UIMC1: variants seen among roughly 807,000 people sequenced by gnomAD.
UIMC1 encodes the protein ubiquitin interaction motif containing 1.
In UIMC1, 42 loss-of-function variants were observed where a neutral mutation model predicts 84.9. The ratio of observed to expected loss-of-function variants is 0.49; its 90% confidence interval spans 0.39 to 0.64. UIMC1 has a LOEUF of 0.64. Among genes scored for constraint, UIMC1 ranks in the 30% least tolerant of loss-of-function variants. The pLI is 0.00. For missense variants in UIMC1, 825 were observed against 847.6 expected (o/e 0.97, Z 0.33); for synonymous variants, 281 against 293.0 (o/e 0.96, Z 0.42).
rs1156269678 is a variant in UIMC1 at position 176,906,049 on chromosome 5, T to C, written c.1913-2A>G. On this transcript the variant is annotated splice_acceptor_variant, in intron 13 of 14. Transcript: ENST00000511320. LOFTEE classifies it high-confidence loss of function. ...TTTCTGAAGACTTGATGTCTGCATC[T>C]GTGATATAAAAGAAAAAATAATAAT... 6.2e-7 allele frequency: 1 copy of C among 1,613,810 alleles called. No homozygotes were observed. The highest frequency in any genetic ancestry group is 8.5e-7 in the Non-Finnish European group (1 of 1,179,850).
At chr5:176,996,753 C>G (rs1224468631) in intron 1 of UIMC1, among the ~76,000 whole-genome samples, 1 of 152,118 alleles carries the variant, frequency 6.6e-6, no homozygotes, top group Non-Finnish European at 1.5e-5. Flanking sequence ...AACCACTGCA[C>G]TGCAACAGCT....
chr5:177,001,313 C>T (rs1374064396), intron 1 of UIMC1: 1 of 152,132 alleles, frequency 6.6e-6, no homozygotes, highest in Admixed American at 6.6e-5. Context: ...AAAATGAGTT[C>T]ACTGCAGGTG....
At chr5:176,935,689 G>A (rs1393779424) in intron 10 of UIMC1, among the ~76,000 whole-genome samples, 2 of 152,130 alleles carry the variant, frequency 1.3e-5, no homozygotes, top group Non-Finnish European at 1.5e-5. Context: ...CATTTAGGTA[G>A]GCATATATAG....
At chr5:176,918,794 A>G (rs1761341947) in intron 10 of UIMC1, among the ~76,000 whole-genome samples, 1 of 152,058 alleles carries the variant, frequency 6.6e-6, no homozygotes, top group African/African-American at 2.4e-5. Flanking sequence ...TATTCCCTCA[A>G]CTTCTTTCTA....
At chr5:176,970,680 C>T (rs1344513725) in intron 4 of UIMC1, 62 bp downstream of exon 4, 3 of 1,611,902 alleles carry the variant, frequency 1.9e-6, no homozygotes, top group East Asian at 2.2e-5. Flanking sequence ...AACTACAACA[C>T]CACAGAAGTC....
intron 1 of UIMC1, among the ~76,000 whole-genome samples, chr5:176,994,688 A>T (rs1773335528): frequency 6.6e-6 from 1 of 152,130 alleles, no homozygotes; most frequent in African/African-American, 2.4e-5. Context: ...TGACTTTTAT[A>T]CACACTTCTG....
chr5:176,930,020 G>A (rs1029675861), intron 10 of UIMC1, among the ~76,000 whole-genome samples: 10 of 152,142 alleles, frequency 6.6e-5, no homozygotes, highest in Admixed American at 6.5e-5. Context: ...TTCTGAAAAC[G>A]TAATGGATGA....
intron 2 of UIMC1, among the ~76,000 whole-genome samples, chr5:176,979,724 T>G (rs1317596104): frequency 6.6e-6 from 1 of 152,206 alleles, no homozygotes; most frequent in African/African-American, 2.4e-5. Flanking sequence ...CATTTATATT[T>G]TATGCACATT....
At chr5:176,936,571 G>A (rs1763734727) in intron 10 of UIMC1, among the ~76,000 whole-genome samples, 1 of 152,040 alleles carries the variant, frequency 6.6e-6, no homozygotes, top group African/African-American at 2.4e-5. Context: ...TCCTTATTAT[G>A]GCCTAAGAAC....
At chr5:176,958,530 T>G (rs1766903622) in intron 6 of UIMC1, among the ~76,000 whole-genome samples, 2 of 152,200 alleles carry the variant, frequency 1.3e-5, no homozygotes, top group South Asian at 4.1e-4. Context: ...AAATGAATTA[T>G]GATTTCAGAA....
intron 6 of UIMC1, 43 bp from the exon 7 acceptor site, chr5:176,958,197 G>A: frequency 6.6e-7 from 1 of 1,526,226 alleles, no homozygotes; most frequent in Non-Finnish European, 9.0e-7. Context: ...AGGCACAGGT[G>A]AACTGGCTTC....
chr5:176,928,002 C>T (rs1762594644), intron 10 of UIMC1, among the ~76,000 whole-genome samples: 1 of 152,008 alleles, frequency 6.6e-6, no homozygotes, highest in African/African-American at 2.4e-5. Context: ...CAGGCAGGCG[C>T]CACCATGCCT....
At chr5:176,965,217 C>T (rs574654799) in intron 6 of UIMC1, among the ~76,000 whole-genome samples, 130 of 152,124 alleles carry the variant, frequency 8.5e-4, no homozygotes, top group Non-Finnish European at 1.3e-3. Flanking sequence ...GTCAGGAGAT[C>T]GAGACCATCC....
chr5:176,918,818 C>T (rs895720420), intron 10 of UIMC1, among the ~76,000 whole-genome samples: 1 of 152,186 alleles, frequency 6.6e-6, no homozygotes, highest in South Asian at 2.1e-4. Context: ...TACTTACTTG[C>T]GCAATCCGAC....
chr5:176,973,579 CAAA>C (rs779224466), intron 3 of UIMC1, among the ~76,000 whole-genome samples: 3 of 78,422 alleles, frequency 3.8e-5, no homozygotes, highest in Admixed American at 2.9e-4. Flanking sequence ...GACCCTGTCT[CAAA>C]AAAAAAAAAA....
At chr5:176,930,160 T>C (rs1027948598) in intron 10 of UIMC1, among the ~76,000 whole-genome samples, 1 of 152,186 alleles carries the variant, frequency 6.6e-6, no homozygotes, top group African/African-American at 2.4e-5. Flanking sequence ...TAGCCAACTA[T>C]ATGCTTCTTC....
chr5:177,009,721 G>GT (rs1409248712), upstream of UIMC1, among the ~76,000 whole-genome samples: 1 of 152,028 alleles, frequency 6.6e-6, no homozygotes, highest in African/African-American at 2.4e-5. This position sits in a 1 kb window ranked among gnomAD's most constrained non-coding sequence, Gnocchi z 4.3. Flanking sequence ...GGGCAACACA[G>GT]TGAGACTTTG....
intron 10 of UIMC1, among the ~76,000 whole-genome samples, chr5:176,927,006 T>C (rs1425273053): frequency 6.6e-6 from 1 of 151,856 alleles, no homozygotes; most frequent in Non-Finnish European, 1.5e-5. Flanking sequence ...AAAATAAGAG[T>C]TACTGCATAA....
intron 10 of UIMC1, among the ~76,000 whole-genome samples, chr5:176,937,363 C>T (rs1372444225): frequency 1.3e-5 from 2 of 152,130 alleles, no homozygotes; most frequent in African/African-American, 4.8e-5. Context: ...AGCGTGGTAG[C>T]AGGCGCCTGT....
Sources: allele counts gnomAD v4.1 joint callset (sites outside exome capture counted in the v4.1 genomes callset), GRCh38; gene constraint gnomAD v4.1.1; non-coding constraint Gnocchi (gnomAD v3.1); transcripts MANE v1.5; gene names NCBI Gene and HGNC (gene_info 2026-07-23, HGNC 2026-07-21).